The following COBL variants were observed in gnomAD, a reference collection of about 807,000 sequenced individuals.
COBL encodes the protein protein cordon-bleu.
A neutral mutation model predicts 98.8 loss-of-function variants in COBL; 51 were observed. The observed-to-expected ratio is 0.52, with a 90% CI of 0.41 to 0.65. COBL has a LOEUF of 0.65. Ranked by LOEUF, COBL falls within the 30% of genes least tolerant of loss-of-function variation. The pLI, the probability that COBL is intolerant of heterozygous loss-of-function variation, is 0.00. For synonymous variants in COBL, 634 were observed against 651.7 expected (o/e 0.97, Z 0.41); for missense variants, 1,617 against 1,617.5 (o/e 1.00, Z 0.01).
intron 5 of COBL, among the ~76,000 whole-genome samples, chr7:51,154,826 T>C (rs1441097998): frequency 6.6e-6 from 1 of 152,262 alleles, no homozygotes; most frequent in African/African-American, 2.4e-5. Context: ...CATTTTCCTT[T>C]TTCCGTGTGT....
intron 6 of COBL, among the ~76,000 whole-genome samples, chr7:51,134,778 GAC>G (rs1225112429): frequency 1.3e-5 from 2 of 152,038 alleles, no homozygotes; most frequent in African/African-American, 4.8e-5. Flanking sequence ...AAATTAATGA[GAC>G]ACACTGCAGA....
chr7:51,022,945 G>A (rs1182910449), intron 12 of COBL: 1 of 152,194 alleles, frequency 6.6e-6, no homozygotes, highest in Non-Finnish European at 1.5e-5. Context: ...TGTGATTCAA[G>A]ATACAGATGT....
At chr7:51,239,699 G>T (rs866250306) in intron 1 of COBL, among the ~76,000 whole-genome samples, 1 of 152,050 alleles carries the variant, frequency 6.6e-6, no homozygotes. Context: ...CCCCTTTCTG[G>T]TAAGAATACT....
At chr7:51,070,394 C>CACACACACACAT (rs1486515160) in intron 7 of COBL, among the ~76,000 whole-genome samples, 14 of 148,484 alleles carry the variant, frequency 9.4e-5, no homozygotes, top group African/African-American at 3.5e-4. Context: ...ACAGTTAAAA[C>CACACACACACAT]ACACACACAC....
At chr7:51,182,275 T>C (rs912753364) in intron 5 of COBL, among the ~76,000 whole-genome samples, 12 of 131,408 alleles carry the variant, frequency 9.1e-5, no homozygotes, top group Non-Finnish European at 1.6e-4. Context: ...AAATACAAAA[T>C]TCTGATTCTC....
intron 1 of COBL, among the ~76,000 whole-genome samples, chr7:51,295,909 T>C (rs939240209): frequency 1.3e-5 from 2 of 152,210 alleles, no homozygotes; most frequent in African/African-American, 4.8e-5. Context: ...CATAAGCTAA[T>C]CTTAGGGATA....
chr7:51,173,947 A>G (rs1788118233), intron 5 of COBL, among the ~76,000 whole-genome samples: 1 of 152,160 alleles, frequency 6.6e-6, no homozygotes, highest in South Asian at 2.1e-4. Flanking sequence ...ACACATACCT[A>G]TAATTTTTTT....
chr7:51,135,968 CAG>C (rs1799194576), intron 6 of COBL, among the ~76,000 whole-genome samples, 188 bp downstream of exon 6: 1 of 152,158 alleles, frequency 6.6e-6, no homozygotes. Flanking sequence ...CTCAGCTTCT[CAG>C]AGTTAAAATC....
intron 12 of COBL, among the ~76,000 whole-genome samples, chr7:51,018,901 AAAAAATATAT>A (rs1786582188): frequency 1.7e-5 from 1 of 58,126 alleles, no homozygotes; most frequent in Non-Finnish European, 3.3e-5. Flanking sequence ...CAAAAAAAAA[AAAAAATATAT>A]ATATATATAT....
At chr7:51,307,396 T>C (rs1802589132) in intron 1 of COBL, among the ~76,000 whole-genome samples, 1 of 131,698 alleles carries the variant, frequency 7.6e-6, no homozygotes, top group African/African-American at 2.6e-5. Flanking sequence ...GAGAGGACAG[T>C]ACTGTCCTAC....
intron 5 of COBL, among the ~76,000 whole-genome samples, chr7:51,176,604 C>T (rs2129047211): frequency 6.6e-6 from 1 of 152,272 alleles, no homozygotes; most frequent in East Asian, 1.9e-4. Flanking sequence ...TTTACAAAAG[C>T]TTAAATTCTC....
At chr7:51,195,288 C>T (rs1037154497) in intron 2 of COBL, among the ~76,000 whole-genome samples, 2 of 152,150 alleles carry the variant, frequency 1.3e-5, no homozygotes, top group African/African-American at 2.4e-5. Flanking sequence ...TTCCCCATTG[C>T]TTGTTTTTGT....
chr7:51,162,586 T>A (rs769880466), intron 5 of COBL, among the ~76,000 whole-genome samples: 26 of 152,150 alleles, frequency 1.7e-4, no homozygotes, highest in Non-Finnish European at 3.2e-4. Context: ...CAAGAAAAAA[T>A]AATACATAAT....
intron 1 of COBL, among the ~76,000 whole-genome samples, chr7:51,289,506 C>A (rs1800693255): frequency 6.6e-6 from 1 of 152,246 alleles, no homozygotes; most frequent in Non-Finnish European, 1.5e-5. Flanking sequence ...CTCTGCCGGG[C>A]AGCAGGGCTC....
intron 6 of COBL, among the ~76,000 whole-genome samples, chr7:51,114,613 C>T (rs903445777): frequency 3.9e-5 from 6 of 152,122 alleles, no homozygotes; most frequent in African/African-American, 1.2e-4. Context: ...TGTCCTTGAT[C>T]AGAAGTTTGT....
chr7:51,291,390 T>A (rs1308150049), intron 1 of COBL, among the ~76,000 whole-genome samples: 1 of 152,166 alleles, frequency 6.6e-6, no homozygotes, highest in African/African-American at 2.4e-5. Flanking sequence ...TCTGGGAAAT[T>A]TAAGTATGGA....
chr7:51,041,313 T>C (rs1789168195), intron 8 of COBL, among the ~76,000 whole-genome samples: 2 of 152,040 alleles, frequency 1.3e-5, no homozygotes, highest in Non-Finnish European at 1.5e-5. Context: ...TACAAAGAAA[T>C]ATAAAGTATT....
At chr7:51,316,554 A>C (rs1400999037) in intron 1 of COBL, 39 bp downstream of exon 1, 1 of 1,205,564 alleles carries the variant, frequency 8.3e-7, no homozygotes, top group African/African-American at 1.6e-5. Context: ...AGCCCAGGGA[A>C]GCCCCCTCTC....
chr7:51,175,743 C>T (rs1332195872), intron 5 of COBL, among the ~76,000 whole-genome samples: 1 of 152,246 alleles, frequency 6.6e-6, no homozygotes, highest in Admixed American at 6.5e-5. Flanking sequence ...CAGGGAGACA[C>T]TGCCCCTTCC....
Sources: allele counts gnomAD v4.1 joint callset (sites outside exome capture counted in the v4.1 genomes callset), GRCh38; gene constraint gnomAD v4.1.1; transcripts MANE v1.5; gene names NCBI Gene and HGNC (gene_info 2026-07-23, HGNC 2026-07-21).